C10orf90: variants seen among roughly 807,000 people sequenced by gnomAD.
C10orf90 encodes (E2-independent) E3 ubiquitin-conjugating enzyme FATS.
C10orf90 carries 56 observed loss-of-function variants against 62.5 expected under a neutral mutation model. The ratio of observed to expected loss-of-function variants is 0.90; its 90% CI spans 0.72 to 1.12. C10orf90 has a LOEUF of 1.12. Ranked by LOEUF, C10orf90 falls within the 50% of genes most tolerant of loss-of-function variation. The probability of loss-of-function intolerance (pLI) is 0.00; values close to 1 mark genes in which losing one functional copy is unlikely to be tolerated. For missense variants in C10orf90, 970 were observed against 880.4 expected (o/e 1.10, Z -1.29); for synonymous variants, 386 against 340.4 (o/e 1.13, Z -1.47).
At chr10:126,432,901 G>C (rs1185157529) in intron 7 of C10orf90, among the ~76,000 whole-genome samples, 2 of 152,222 alleles carry the variant, frequency 1.3e-5, no homozygotes, top group Non-Finnish European at 2.9e-5. Flanking sequence ...TCCTGTTAAG[G>C]AGTTGCCTTC....
chr10:126,490,029 A>ATATATTATGT (rs1564828137), intron 4 of C10orf90, among the ~76,000 whole-genome samples: 1 of 102,626 alleles, frequency 9.7e-6, no homozygotes, highest in African/African-American at 5.1e-5. Flanking sequence ...ATAATATATA[A>ATATATTATGT]TATATAATAT....
intron 2 of C10orf90, among the ~76,000 whole-genome samples, chr10:126,558,203 A>G (rs1019177038): frequency 2.6e-5 from 4 of 152,118 alleles, no homozygotes; most frequent in African/African-American, 9.7e-5. Flanking sequence ...TCATACTTGT[A>G]TTACTTTGCC....
At chr10:126,549,767 G>C (rs1253974531) in intron 2 of C10orf90, among the ~76,000 whole-genome samples, 1 of 137,810 alleles carries the variant, frequency 7.3e-6, no homozygotes, top group Non-Finnish European at 1.6e-5. Context: ...AAAAATTTAA[G>C]AACAACCCAG....
chr10:126,466,831 G>C (rs374736528), intron 4 of C10orf90, among the ~76,000 whole-genome samples: 1 of 152,206 alleles, frequency 6.6e-6, no homozygotes, highest in Non-Finnish European at 1.5e-5. Flanking sequence ...ATTTGGAGAC[G>C]TTTGACTACC....
At chr10:126,650,987 A>G (rs1846281112) in intron 1 of C10orf90, among the ~76,000 whole-genome samples, 1 of 152,192 alleles carries the variant, frequency 6.6e-6, no homozygotes, top group Admixed American at 6.5e-5. Context: ...GGTAACATCA[A>G]CATCACATTG....
At position 126,531,459 on chromosome 10, in the gene C10orf90, C is replaced by G. The variant is rs940591876; in HGVS notation, c.314-17520G>C. 4.6e-5 allele frequency among the ~76,000 whole-genome samples: 7 copies of G among 152,270 alleles called. No homozygotes were observed. The East Asian group carries it at 1.4e-3, about 29-fold the overall frequency. On this transcript the variant is annotated intron_variant, in intron 2 of 9. Coordinates refer to ENST00000488181, the MANE Select transcript of C10orf90 (RefSeq NM_001350921.2). ...CAGTTCTGAGGATGAGAAACCCTGACATAGACACAAAAAGCCTTAACAAAA... is the reference window on the plus strand; with the variant it reads ...CAGTTCTGAGGATGAGAAACCCTGAGATAGACACAAAAAGCCTTAACAAAA...
intron 2 of C10orf90, among the ~76,000 whole-genome samples, chr10:126,625,495 C>T (rs962201351): frequency 1.3e-5 from 2 of 152,158 alleles, no homozygotes; most frequent in African/African-American, 2.4e-5. Flanking sequence ...TGGGAAACTC[C>T]GTCCAGAGTC....
At chr10:126,578,568 A>G (rs1844673600) in intron 2 of C10orf90, among the ~76,000 whole-genome samples, 1 of 152,182 alleles carries the variant, frequency 6.6e-6, no homozygotes, top group Non-Finnish European at 1.5e-5. Context: ...CTGTAAAATT[A>G]TTTGGCATGT....
intron 2 of C10orf90, among the ~76,000 whole-genome samples, chr10:126,601,953 G>A (rs1193524894): frequency 3.3e-5 from 5 of 152,190 alleles, no homozygotes; most frequent in Admixed American, 1.3e-4. Context: ...TAAATGCTGC[G>A]ACTGTCCTAA....
rs74158850 is a variant in C10orf90, at chr10:126,617,573, G to A, written c.313+28992C>T. ...AGGTGAATGTTCAGTCTTTGGGTGT[G>A]GACACACACAGACACAAGGTGCCCC... On this transcript the variant is annotated intron_variant, in intron 2 of 9. Transcript: ENST00000488181. Among the ~76,000 whole-genome samples, 507 of 152,298 alleles carry A rather than the reference G, an allele frequency of 3.3e-3. 3 individuals are homozygous for A. Among genetic ancestry groups the A allele is most frequent in the African/African-American group, 0.012 (495 of 41,572 alleles).
chr10:126,667,884 A>C (rs1846664220), intron 1 of C10orf90, among the ~76,000 whole-genome samples: 1 of 152,146 alleles, frequency 6.6e-6, no homozygotes, highest in Admixed American at 6.5e-5. Flanking sequence ...GAGTGTGCAG[A>C]CATCAAGTCT....
chr10:126,502,888 G>T lies in C10orf90; in HGVS notation c.1534+1069C>A, dbSNP rs547796334. The T allele has an allele frequency of 9.5e-5, 46 of 485,518 alleles. 1 individual carries two copies. The highest frequency in any genetic ancestry group is 6.3e-4 in the South Asian group (39 of 61,778). 30.1% of individuals were successfully genotyped at this position (485,518 alleles called of 1,614,324 possible). A position where few individuals can be genotyped will look rare whatever the true frequency, so the allele number is the denominator to read the frequency against. On this transcript the variant is annotated intron_variant, in intron 4 of 9. Transcript: ENST00000488181. ...TCAATCTGAAAGCCATGCCAAAATT[G>T]CCTTAAAAATCTCTGAGCATTCAAT...
chr10:126,611,349 GA>G (rs1416414748), intron 2 of C10orf90, among the ~76,000 whole-genome samples: 1 of 152,116 alleles, frequency 6.6e-6, no homozygotes, highest in Non-Finnish European at 1.5e-5. Flanking sequence ...TTTATTGCCG[GA>G]TAATATTCTG....
chr10:126,636,313 C>T (rs180845042), intron 2 of C10orf90, among the ~76,000 whole-genome samples: 1 of 152,158 alleles, frequency 6.6e-6, no homozygotes, highest in Admixed American at 6.5e-5. Context: ...CCGCATTTCA[C>T]CAAGGGGAGT....
chr10:126,591,278 A>G (rs1389741693), intron 2 of C10orf90, among the ~76,000 whole-genome samples: 2 of 152,232 alleles, frequency 1.3e-5, no homozygotes, highest in African/African-American at 2.4e-5. Flanking sequence ...CCTGATGAAC[A>G]TGAATGTGAA....
chr10:126,428,390 G>T (rs375077337), intron 8 of C10orf90, among the ~76,000 whole-genome samples: 3 of 152,076 alleles, frequency 2.0e-5, no homozygotes, highest in African/African-American at 7.2e-5. Context: ...GTAATTTAAC[G>T]ATATAATTAA....
At chr10:126,485,515 A>G (rs569893058) in intron 4 of C10orf90, among the ~76,000 whole-genome samples, 1 of 152,320 alleles carries the variant, frequency 6.6e-6, no homozygotes, top group East Asian at 1.9e-4. Flanking sequence ...TAAAAGAGCA[A>G]AAAAGTCCTA....
chr10:126,549,010 A>G (rs1265362701), intron 2 of C10orf90, among the ~76,000 whole-genome samples: 1 of 152,184 alleles, frequency 6.6e-6, no homozygotes, highest in East Asian at 1.9e-4. Context: ...TTATATAAAA[A>G]TAACTCAAAC....
chr10:126,620,717 T>G (rs1438707142), intron 2 of C10orf90, among the ~76,000 whole-genome samples: 1 of 151,274 alleles, frequency 6.6e-6, no homozygotes, highest in Non-Finnish European at 1.5e-5. Flanking sequence ...AAATCCAGAA[T>G]CATTTTTACT....
Sources: gnomAD v4.1 joint callset for allele counts (sites outside exome capture counted in the v4.1 genomes callset) on GRCh38, gnomAD v4.1.1 for gene constraint, MANE v1.5 for transcripts, NCBI Gene and HGNC (gene_info 2026-07-23, HGNC 2026-07-21) for gene names.